The following RYR1 variants were observed in gnomAD, a reference collection of about 807,000 sequenced individuals.
RYR1 encodes the protein central core disease of muscle.
RYR1 carries 342 observed loss-of-function variants against 583.5 expected under a neutral mutation model. The observed-to-expected ratio is 0.59, with a 90% confidence interval of 0.54 to 0.64. The LOEUF (loss-of-function observed/expected upper bound fraction) is 0.64, where lower values mean the gene tolerates loss of function less well. Among genes scored for constraint, RYR1 ranks in the 30% least tolerant of loss-of-function variants. The pLI is 0.00. For synonymous variants in RYR1, 2,791 were observed against 2,822.5 expected (o/e 0.99, Z 0.35); for missense variants, 6,032 against 6,917.2 (o/e 0.87, Z 4.54).
At chr19:38,580,653 A>G in intron 101 of RYR1, 149 bp downstream of exon 101, 1 of 997,084 alleles carries the variant, frequency 1.0e-6, no homozygotes, top group East Asian at 2.6e-5. Context: ...TGAGTCCAGG[A>G]GTTGGAAACC....
intron 25 of RYR1, 72 bp downstream of exon 25, chr19:38,467,884 C>T: frequency 1.4e-6 from 2 of 1,465,424 alleles, no homozygotes; most frequent in South Asian, 2.4e-5. Context: ...TCTGGCCCTG[C>T]CTCTGTCTGT....
chr19:38,490,039 C>A, intron 35 of RYR1, 37 bp from the exon 36 acceptor site: 1 of 1,603,124 alleles, frequency 6.2e-7, no homozygotes, highest in Non-Finnish European at 8.5e-7. Flanking sequence ...GATGGTCTCA[C>A]CTCCATCTCT....
rs1380604252 is a variant in RYR1, at chr19:38,548,448, G to A, written c.12282+28G>A. The A allele has an allele frequency of 1.8e-5, 29 of 1,607,556 alleles. No individual in the cohort carries two copies. In the East Asian group the frequency reaches 6.3e-4, roughly 35 times the overall value. ...GGGTGTGGGACATCGTGTGGGCCCA[G>A]GACTTGGGTGGGGTTGCCAAGGGCC... On this transcript the variant is annotated intron_variant, in intron 89 of 105. Transcript: ENST00000359596.
At chr19:38,548,205 G>A (rs777765451) in intron 88 of RYR1, 28 bp from the exon 89 acceptor site, 48 of 1,613,386 alleles carry the variant, frequency 3.0e-5, no homozygotes, top group South Asian at 2.7e-4. Context: ...AGTGTTCACC[G>A]GCCACACTGA....
intron 89 of RYR1, 45 bp downstream of exon 89, chr19:38,548,465 C>T (rs761865838): frequency 1.3e-6 from 2 of 1,594,374 alleles, no homozygotes; most frequent in Admixed American, 3.3e-5. Context: ...GGTGGGGTTG[C>T]CAAGGGCCAG....
Position 38,452,880 on chromosome 19 carries a change from C to G in RYR1, c.1306C>G (p.Pro436Ala). Residue 436 changes from proline to alanine, a missense_variant, in exon 13 of 106, where the codon CCC becomes GCC. Pro to Ala is a conservative substitution (Grantham distance 27). Transcript: ENST00000359596. ...GSGPPAGTAL[P>A]IEGVILSLQD... ...GGGGCCACCCGCTGGCACGGCGCTG[C>G]CCATCGAGGGCGTTATCCTGAGCCT... 1.2e-6 allele frequency: 2 copies of G among 1,611,656 alleles called. No homozygotes were observed. Among genetic ancestry groups the G allele is most frequent in the Non-Finnish European group, 1.7e-6 (2 of 1,178,962 alleles).
At chr19:38,502,454 A>T in intron 47 of RYR1, 53 bp from the exon 48 acceptor site, 1 of 1,525,020 alleles carries the variant, frequency 6.6e-7, no homozygotes, top group South Asian at 1.2e-5. Flanking sequence ...GACAGGTGCC[A>T]GAGCAGCCCC....
chr19:38,549,837 C>G (rs1972586029), intron 89 of RYR1, among the ~76,000 whole-genome samples: 1 of 149,040 alleles, frequency 6.7e-6, no homozygotes. Flanking sequence ...TCCTGAGTAG[C>G]TGGGATTACA....
At chr19:38,463,013 T>C (rs1052648170) in intron 20 of RYR1, among the ~76,000 whole-genome samples, 16 of 148,724 alleles carry the variant, frequency 1.1e-4, no homozygotes, top group African/African-American at 3.7e-4. Context: ...TCTCCTGCCT[T>C]AGCCTCCCAA....
rs534074609 is a variant in RYR1 at position 38,500,269 on chromosome 19, G to C, written c.7323+253G>C. Among the ~76,000 whole-genome samples the C allele has an allele frequency of 6.6e-6, 1 of 151,410 alleles. No individual in the cohort carries two copies. The highest frequency in any genetic ancestry group is 1.9e-4 in the East Asian group (1 of 5,150). Reference sequence around the variant, plus strand: ...ATGGGGGAGCACAGGAAGAGGGGTCGGGGCTGGGATTGCAGGGCACACGGA... The same window carrying C: ...ATGGGGGAGCACAGGAAGAGGGGTCCGGGCTGGGATTGCAGGGCACACGGA... On this transcript the variant is annotated intron_variant, in intron 45 of 105. Coordinates refer to ENST00000359596, the MANE Select transcript of RYR1 (RefSeq NM_000540.3). This position sits in a 1 kb window ranked among gnomAD's most constrained non-coding sequence, Gnocchi z 5.9.
At chr19:38,443,836 G>A (rs979887068) in intron 5 of RYR1, 40 bp downstream of exon 5, 10 of 1,585,704 alleles carry the variant, frequency 6.3e-6, no homozygotes, top group South Asian at 2.2e-5. Context: ...AAGGGGCCCC[G>A]CAGCAGGGAT....
intron 69 of RYR1, chr19:38,523,681 T>C: frequency 3.2e-6 from 2 of 621,776 alleles, no homozygotes; most frequent in Non-Finnish European, 2.9e-6. Flanking sequence ...ATTTCTTTCT[T>C]CCTCTCCCCA....
At position 38,565,403 on chromosome 19, in the gene RYR1, C is replaced by T. The variant is rs1236057233; in HGVS notation, c.13069C>T (p.Leu4357=). Residue 4357 remains leucine (L), a synonymous_variant, in exon 91 of 106, where the codon CTG becomes TTG. Transcript: ENST00000359596. The surrounding 1 kb of genome is among the most constrained non-coding windows in gnomAD (Gnocchi z 4.7). ...GGGGGCGGCGGCGGGCGCGCTGGGCCTGCTCTGGGGCTCGCTGTTCGGCGG... is the reference window on the plus strand; with the variant it reads ...GGGGGCGGCGGCGGGCGCGCTGGGCTTGCTCTGGGGCTCGCTGTTCGGCGG... The part of the protein sequence containing the change: ...GAGAAAGALG[L]LWGSLFGGGL... 10 of 1,454,768 alleles carry T rather than the reference C, an allele frequency of 6.9e-6. No individual in the cohort carries two copies. Among genetic ancestry groups the T allele is most frequent in the Non-Finnish European group, 9.0e-6 (10 of 1,108,030 alleles). The allele number at this position is 1,454,768 out of a possible 1,614,324, so 90.1% of individuals were successfully genotyped here.
chr19:38,548,134 C>T (rs1601002938), intron 88 of RYR1, 99 bp from the exon 89 acceptor site: 7 of 1,343,712 alleles, frequency 5.2e-6, no homozygotes, highest in East Asian at 4.8e-5. Context: ...CAGGGACACT[C>T]CAGCAGCGTG....
chr19:38,491,466 G>C (rs150263551), intron 37 of RYR1, among the ~76,000 whole-genome samples: 1,546 of 141,862 alleles, frequency 0.011, 26 homozygotes, highest in African/African-American at 0.04. Context: ...GTCTCACTCT[G>C]TCACCCAGCA....
Position 38,512,280 on chromosome 19 carries a change from C to T in RYR1, c.9269C>T (p.Ala3090Val), listed in dbSNP as rs2145662587. Reference protein sequence around the residue: ...VMKSGPEIVKAGLRSFFESAS... With the variant: ...VMKSGPEIVKVGLRSFFESAS... Reference sequence around the variant, plus strand: ...AAGTCAGGCCCTGAGATCGTGAAGGCTGGCCTCCGCTCCTTCTTCGAGAGT... The same window carrying T: ...AAGTCAGGCCCTGAGATCGTGAAGGTTGGCCTCCGCTCCTTCTTCGAGAGT... Residue 3090 changes from alanine (A) to valine (V), a missense_variant, in exon 63 of 106, where the codon GCT (alanine) becomes GTT (valine). Physicochemically the swap from Ala to Val is moderately conservative, Grantham distance 64. Around this residue, in one of 11 missense-constraint regions of RYR1, gnomAD observed 1,493 missense variants for 1,715.5 expected, o/e 0.87. Transcript: ENST00000359596. This position sits in a 1 kb window ranked among gnomAD's most constrained non-coding sequence, Gnocchi z 5.1. The T allele has an allele frequency of 6.2e-7, 1 of 1,614,266 alleles. No homozygotes were observed. Among genetic ancestry groups the T allele is most frequent in the East Asian group, 2.2e-5 (1 of 44,888 alleles).
intron 27 of RYR1, among the ~76,000 whole-genome samples, chr19:38,469,910 TA>T (rs368587030): frequency 0.12 from 17,490 of 146,118 alleles, 1,150 homozygotes; most frequent in South Asian, 0.19. Context: ...CTACAAAAAA[TA>T]AAAAAAAAAA....
intron 21 of RYR1, 60 bp from the exon 22 acceptor site, chr19:38,463,687 G>A (rs1470227143): frequency 6.5e-7 from 1 of 1,537,264 alleles, no homozygotes. Flanking sequence ...TCATAGTCTG[G>A]GCATGTGGGG....
At chr19:38,495,946 A>G (rs1969799944) in intron 39 of RYR1, among the ~76,000 whole-genome samples, 1 of 151,982 alleles carries the variant, frequency 6.6e-6, no homozygotes, top group African/African-American at 2.4e-5. Flanking sequence ...TATTTTTAGT[A>G]GAAATGGGGT....
Sources: allele counts gnomAD v4.1 joint callset (sites outside exome capture counted in the v4.1 genomes callset), GRCh38; gene constraint gnomAD v4.1.1; regional missense constraint gnomAD v4.1.1; non-coding constraint Gnocchi (gnomAD v3.1); transcripts MANE v1.5; gene names NCBI Gene and HGNC (gene_info 2026-07-23, HGNC 2026-07-21).